The following CHODL variants were observed in gnomAD, a reference collection of about 807,000 sequenced individuals.
CHODL encodes chondrolectin.
CHODL carries 29 observed loss-of-function variants against 34.5 expected under a neutral mutation model. That is an observed-to-expected ratio of 0.84 (90% CI 0.63 to 1.15). The LOEUF is 1.15. CHODL is among the 50% of genes most tolerant of loss of function. CHODL has a pLI of 0.00. For synonymous variants in CHODL, 125 were observed against 116.1 expected (o/e 1.08, Z -0.49); for missense variants, 332 against 332.5 (o/e 1.00, Z 0.01).
At chr21:18,206,630 G>A (rs1346527347) in intron 2 of CHODL, among the ~76,000 whole-genome samples, 2 of 151,322 alleles carry the variant, frequency 1.3e-5, no homozygotes, top group East Asian at 3.9e-4. Context: ...TTTGCTTGAG[G>A]AATCTAGTCC....
intron 2 of CHODL, among the ~76,000 whole-genome samples, chr21:18,046,668 T>C (rs1157946695): frequency 6.6e-6 from 1 of 151,994 alleles, no homozygotes; most frequent in Non-Finnish European, 1.5e-5. Context: ...AAATTTTAGA[T>C]AGCATTACTT....
chr21:18,003,116 C>T (rs1486969008), intron 1 of CHODL, among the ~76,000 whole-genome samples: 1 of 136,620 alleles, frequency 7.3e-6, no homozygotes, highest in Non-Finnish European at 1.6e-5. Context: ...AGCGAGACTC[C>T]GTCTCAAAAA....
At chr21:18,008,433 T>C (rs980113595) in intron 1 of CHODL, among the ~76,000 whole-genome samples, 1 of 152,142 alleles carries the variant, frequency 6.6e-6, no homozygotes, top group Non-Finnish European at 1.5e-5. Context: ...CTAGAACTCG[T>C]TCATTTTGCA....
chr21:17,926,467 G>A (rs569974005), intron 1 of CHODL, among the ~76,000 whole-genome samples: 4 of 151,056 alleles, frequency 2.6e-5, no homozygotes, highest in South Asian at 2.1e-4. Flanking sequence ...AAGGAAAGAA[G>A]TTTAATTAAC....
intron 1 of CHODL, among the ~76,000 whole-genome samples, chr21:17,973,390 A>G (rs1253211122): frequency 2.0e-5 from 3 of 146,628 alleles, no homozygotes; most frequent in Admixed American, 6.8e-5. Context: ...GCAATCTACT[A>G]TGCATTTTCT....
At chr21:18,005,114 A>G (rs919323467) in intron 1 of CHODL, among the ~76,000 whole-genome samples, 6 of 152,226 alleles carry the variant, frequency 3.9e-5, no homozygotes, top group African/African-American at 1.4e-4. Flanking sequence ...TTCACTTCTG[A>G]GAGCTCATAA....
At chr21:17,938,841 A>T (rs1241468579) in intron 1 of CHODL, among the ~76,000 whole-genome samples, 2 of 151,756 alleles carry the variant, frequency 1.3e-5, no homozygotes, top group African/African-American at 4.8e-5. Flanking sequence ...GGGCATACAA[A>T]CATGTGGGCA....
chr21:18,099,061 A>G (rs2065177588), intron 2 of CHODL, among the ~76,000 whole-genome samples: 1 of 152,060 alleles, frequency 6.6e-6, no homozygotes, highest in South Asian at 2.1e-4. Context: ...GGGTACAAAG[A>G]TGGTTACAGC....
intron 1 of CHODL, among the ~76,000 whole-genome samples, chr21:17,963,081 AT>A (rs780126831): frequency 0.12 from 18,394 of 148,892 alleles, 1,323 homozygotes; most frequent in Middle Eastern, 0.22. Context: ...AAAAATAATA[AT>A]AATAATAATA....
At chr21:18,074,896 G>A (rs1228243591) in intron 2 of CHODL, among the ~76,000 whole-genome samples, 4 of 152,126 alleles carry the variant, frequency 2.6e-5, no homozygotes, top group Admixed American at 2.0e-4. Context: ...TACATTTGCA[G>A]GGACAATGAC....
chr21:18,257,667 G>A (rs1444127356), intron 3 of CHODL, among the ~76,000 whole-genome samples: 7 of 152,110 alleles, frequency 4.6e-5, no homozygotes, highest in Admixed American at 3.9e-4. Context: ...GATGTGACTC[G>A]TTCTCCCTAT....
intron 2 of CHODL, among the ~76,000 whole-genome samples, chr21:18,128,195 G>A (rs1017564906): frequency 1.3e-5 from 2 of 150,296 alleles, no homozygotes; most frequent in African/African-American, 4.9e-5. Context: ...CGGCTACTAG[G>A]GAGGCCGAGG....
intron 2 of CHODL, among the ~76,000 whole-genome samples, chr21:18,103,172 G>A (rs1005891021): frequency 6.6e-6 from 1 of 152,100 alleles, no homozygotes; most frequent in Non-Finnish European, 1.5e-5. Context: ...TAATTCAATG[G>A]ATGGTTGTAA....
At chr21:18,062,778 G>A (rs1310476008) in intron 2 of CHODL, among the ~76,000 whole-genome samples, 1 of 151,940 alleles carries the variant, frequency 6.6e-6, no homozygotes, top group Non-Finnish European at 1.5e-5. Flanking sequence ...ACAAAACAAA[G>A]TGTGGAGATT....
intron 1 of CHODL, among the ~76,000 whole-genome samples, chr21:18,019,767 T>C (rs2064110627): frequency 6.6e-6 from 1 of 152,306 alleles, no homozygotes; most frequent in East Asian, 1.9e-4. Context: ...GCACATTACA[T>C]GTATGGGGCA....
At chr21:18,036,560 A>G (rs1367645199) in intron 2 of CHODL, among the ~76,000 whole-genome samples, 1 of 152,036 alleles carries the variant, frequency 6.6e-6, no homozygotes, top group African/African-American at 2.4e-5. Flanking sequence ...CTGCCTAGGC[A>G]CTAGAGTGGG....
At chr21:18,239,283 T>C (rs1287759482) in intron 2 of CHODL, among the ~76,000 whole-genome samples, 1 of 152,114 alleles carries the variant, frequency 6.6e-6, no homozygotes, top group Non-Finnish European at 1.5e-5. Flanking sequence ...AGAGTATTCC[T>C]TATTATTTCC....
At chr21:18,259,180 T>A (rs979426618) in intron 3 of CHODL, among the ~76,000 whole-genome samples, 1 of 152,204 alleles carries the variant, frequency 6.6e-6, no homozygotes, top group African/African-American at 2.4e-5. Flanking sequence ...GAACATGGGT[T>A]CTTATTTCAA....
chr21:18,258,139 C>T (rs138852557), intron 3 of CHODL, among the ~76,000 whole-genome samples: 1 of 152,232 alleles, frequency 6.6e-6, no homozygotes, highest in East Asian at 1.9e-4. Context: ...TTGGATTAGA[C>T]TTACCCTTCT....
Sources: gnomAD v4.1 joint callset for allele counts (sites outside exome capture counted in the v4.1 genomes callset) on GRCh38, gnomAD v4.1.1 for gene constraint, MANE v1.5 for transcripts, NCBI Gene and HGNC (gene_info 2026-07-23, HGNC 2026-07-21) for gene names.